STK32A: variants seen among roughly 807,000 people sequenced by gnomAD.
The protein encoded by STK32A is serine/threonine-protein kinase 32A.
STK32A carries 41 observed loss-of-function variants against 53.2 expected under a neutral mutation model. The observed-to-expected ratio is 0.77, with a 90% CI of 0.60 to 1.00. STK32A has a LOEUF of 1.00. Ranked by LOEUF, STK32A falls within the 50% of genes least tolerant of loss-of-function variation. The pLI is 0.00. For synonymous variants in STK32A, 166 were observed against 162.8 expected (o/e 1.02, Z -0.15); for missense variants, 458 against 485.8 (o/e 0.94, Z 0.54).
At chr5:147,285,281 T>C (rs1445407598) in intron 4 of STK32A, among the ~76,000 whole-genome samples, 1 of 152,072 alleles carries the variant, frequency 6.6e-6, no homozygotes, top group East Asian at 1.9e-4. Context: ...TCGTCATCTC[T>C]CACCTTATAC....
At chr5:147,392,402 C>A (rs1209113175), downstream of STK32A, 1 of 152,224 alleles carries the variant, frequency 6.6e-6, no homozygotes, top group Non-Finnish European at 1.5e-5. Flanking sequence ...TTATTCAAAC[C>A]TGCAGTCAGA....
At chr5:147,367,986 C>A (rs750459775) in intron 8 of STK32A, among the ~76,000 whole-genome samples, 1 of 152,204 alleles carries the variant, frequency 6.6e-6, no homozygotes, top group Non-Finnish European at 1.5e-5. Flanking sequence ...TTCCTCCATA[C>A]GTACAAATTT....
intron 5 of STK32A, among the ~76,000 whole-genome samples, chr5:147,338,836 A>C (rs931067505): frequency 6.6e-6 from 1 of 152,360 alleles, no homozygotes; most frequent in East Asian, 1.9e-4. Flanking sequence ...AGAAATTTCT[A>C]AACAGCAAAG....
chr5:147,278,140 T>C lies in STK32A; in HGVS notation c.69T>C (p.Phe23=), dbSNP rs557308071. ...GTTTTACAGTCAACTTTGACCACTT[T>C]GAAATTTTGCGAGCCATTGGGAAAG... ...DENEDVNFDH[F]EILRAIGKGS... Residue 23 remains phenylalanine, a synonymous_variant, in exon 3 of 13, where the codon TTT becomes TTC. Coordinates refer to ENST00000397936, the MANE Select transcript of STK32A (RefSeq NM_001112724.2). The C allele has an allele frequency of 8.1e-6, 13 of 1,598,036 alleles. No individual in the cohort carries two copies. The highest frequency in any genetic ancestry group is 2.3e-5 in the South Asian group (2 of 88,076).
intron 2 of STK32A, among the ~76,000 whole-genome samples, chr5:147,266,404 G>C (rs1754812161): frequency 6.6e-6 from 1 of 152,134 alleles, no homozygotes; most frequent in Admixed American, 6.5e-5. Context: ...GAAGTCCTTT[G>C]ATAATAGCAT....
chr5:147,262,082 G>A (rs903573035), intron 2 of STK32A, among the ~76,000 whole-genome samples: 19 of 152,196 alleles, frequency 1.2e-4, no homozygotes, highest in African/African-American at 2.9e-4. Flanking sequence ...GGGTTATCTC[G>A]TCTTATTCTC....
chr5:147,239,227 A>G (rs947080218), intron 1 of STK32A, among the ~76,000 whole-genome samples: 1 of 152,214 alleles, frequency 6.6e-6, no homozygotes, highest in Non-Finnish European at 1.5e-5. Context: ...TAAAATCAGC[A>G]TATTTTCTCA....
chr5:147,251,894 T>TATCC (rs1320067051), intron 2 of STK32A, among the ~76,000 whole-genome samples: 1 of 152,170 alleles, frequency 6.6e-6, no homozygotes, highest in Non-Finnish European at 1.5e-5. Flanking sequence ...CAATGGCCTT[T>TATCC]ATCCATGTAT....
intron 7 of STK32A, 48 bp downstream of exon 7, chr5:147,351,202 T>G (rs1755961566): frequency 6.8e-7 from 1 of 1,460,838 alleles, no homozygotes; most frequent in East Asian, 2.3e-5. Context: ...GTAAATACCA[T>G]TTATTACAGG....
At chr5:147,320,486 C>T (rs1160291010) in intron 4 of STK32A, among the ~76,000 whole-genome samples, 1 of 152,168 alleles carries the variant, frequency 6.6e-6, no homozygotes, top group Non-Finnish European at 1.5e-5. Context: ...TCTGTTCAAT[C>T]TGTGTTTCAG....
the STK32A span, among the ~76,000 whole-genome samples, chr5:147,401,015 C>A: frequency 6.6e-6 from 1 of 152,068 alleles, no homozygotes; most frequent in East Asian, 1.9e-4. Context: ...GCTCAGTTAC[C>A]CCATCTAGAA....
intron 2 of STK32A, among the ~76,000 whole-genome samples, chr5:147,271,151 A>G (rs1384884264): frequency 2.6e-5 from 4 of 152,228 alleles, no homozygotes; most frequent in East Asian, 3.8e-4. Context: ...AAACCATGGC[A>G]GAAGAACATG....
chr5:147,359,181 T>C (rs1304234335), intron 7 of STK32A, among the ~76,000 whole-genome samples: 1 of 152,194 alleles, frequency 6.6e-6, no homozygotes, highest in African/African-American at 2.4e-5. Flanking sequence ...GGGAATCTTC[T>C]GGAAGGGTTG....
chr5:147,339,872 G>A lies in STK32A; in HGVS notation c.435-3134G>A, dbSNP rs186676226. Among the ~76,000 whole-genome samples, 2,115 of 152,236 alleles carry A rather than the reference G, an allele frequency of 0.014. 138 individuals carry two copies. In the East Asian group the frequency reaches 0.2, roughly 14 times the overall value. On this transcript the variant is annotated intron_variant, in intron 5 of 12. Coordinates refer to ENST00000397936, the MANE Select transcript of STK32A (RefSeq NM_001112724.2). ...CCTGTAACCCCATTGTATCTAAGAA[G>A]TAACTAACTTACTTTTGATTTTACA...
Position 147,239,589 on chromosome 5 carries a change from G to T in STK32A, c.-46G>T. ...GTTTTGAGCGAAGATGGGTGTTTCT[G>T]CCCGGATAGTATAAATCGAGGATCC... is the stretch of plus-strand genomic sequence containing the variant. On this transcript the variant is annotated 5_prime_UTR_variant, in exon 2 of 13. Coordinates refer to ENST00000397936, the MANE Select transcript of STK32A (RefSeq NM_001112724.2). The T allele has an allele frequency of 2.0e-6, 3 of 1,503,450 alleles. No homozygotes were observed. The allele number at this position is 1,503,450 out of a possible 1,614,324, so 93.1% of individuals were successfully genotyped here.
intron 2 of STK32A, among the ~76,000 whole-genome samples, chr5:147,265,319 C>T (rs773369415): frequency 4.3e-4 from 66 of 151,836 alleles, no homozygotes; most frequent in African/African-American, 1.6e-3. Context: ...CGTTAAAATC[C>T]GAGAGGCAAA....
chr5:147,393,777 A>AG, the STK32A span: 1 of 488,720 alleles, frequency 2.0e-6, no homozygotes, highest in East Asian at 3.7e-5. Context: ...CTTTTACCTT[A>AG]GTGGCCTGTC....
At chr5:147,355,425 G>C (rs1238367486) in intron 7 of STK32A, among the ~76,000 whole-genome samples, 1 of 151,856 alleles carries the variant, frequency 6.6e-6, no homozygotes, top group Non-Finnish European at 1.5e-5. Context: ...TGTAATCCCA[G>C]CACTTTGGGA....
chr5:147,333,860 G>T (rs1260520401), intron 5 of STK32A, among the ~76,000 whole-genome samples: 5 of 152,086 alleles, frequency 3.3e-5, no homozygotes, highest in Admixed American at 2.6e-4. Context: ...GTATGGTAGA[G>T]AGATTAAGAG....
Sources: allele counts gnomAD v4.1 joint callset (sites outside exome capture counted in the v4.1 genomes callset), GRCh38; gene constraint gnomAD v4.1.1; transcripts MANE v1.5; gene names NCBI Gene and HGNC (gene_info 2026-07-23, HGNC 2026-07-21).